Variants in VNN1 observed in about 807,000 individuals in gnomAD.
The protein encoded by VNN1 is vanin 1.
A neutral mutation model predicts 41.9 loss-of-function variants in VNN1; 29 were observed. The observed-to-expected ratio is 0.69, with a 90% CI of 0.52 to 0.94. VNN1 has a LOEUF of 0.94. VNN1 is among the 40% of genes least tolerant of loss of function. The pLI is 0.00. For missense variants in VNN1, 637 were observed against 621.1 expected (o/e 1.03, Z -0.27); for synonymous variants, 233 against 224.4 (o/e 1.04, Z -0.34).
chr6:132,698,134 C>A (rs1416178034), intron 2 of VNN1, among the ~76,000 whole-genome samples: 1 of 152,196 alleles, frequency 6.6e-6, no homozygotes, highest in Non-Finnish European at 1.5e-5. Context: ...GCTTATGGTG[C>A]CTGAAATCTG....
At chr6:132,695,800 A>C (rs1214777569) in intron 2 of VNN1, among the ~76,000 whole-genome samples, 2 of 152,182 alleles carry the variant, frequency 1.3e-5, no homozygotes, top group Admixed American at 6.5e-5. Flanking sequence ...CCTTAAATTT[A>C]CATCTCAAGC....
intron 2 of VNN1, among the ~76,000 whole-genome samples, chr6:132,701,572 T>C (rs562630283): frequency 5.3e-5 from 8 of 152,056 alleles, no homozygotes; most frequent in Non-Finnish European, 7.4e-5. Context: ...GAGGAAGAAA[T>C]AAAAGATGAG....
Sources: allele counts gnomAD v4.1 joint callset (sites outside exome capture counted in the v4.1 genomes callset), GRCh38; gene constraint gnomAD v4.1.1; transcripts MANE v1.5; gene names NCBI Gene and HGNC (gene_info 2026-07-23, HGNC 2026-07-21).